The following COL5A2 variants were observed in gnomAD, a reference collection of about 807,000 sequenced individuals.
COL5A2 encodes the protein collagen type V alpha 2 chain.
COL5A2 carries 23 observed loss-of-function variants against 208.2 expected under a neutral mutation model. That is an observed-to-expected ratio of 0.11 (90% CI 0.08 to 0.16). The LOEUF is 0.16. Among genes scored for constraint, COL5A2 ranks in the 10% least tolerant of loss-of-function variants. COL5A2 has a pLI of 1.00. For synonymous variants in COL5A2, 625 were observed against 628.5 expected (o/e 0.99, Z 0.08); for missense variants, 1,590 against 1,956.4 (o/e 0.81, Z 3.53).
At chr2:189,398,650 T>C in the COL5A2 span, among the ~76,000 whole-genome samples, 214 of 152,278 alleles carry the variant, frequency 1.4e-3, no homozygotes, top group African/African-American at 5.0e-3. Flanking sequence ...GACCTTTCAC[T>C]GTGCTTATAT....
the COL5A2 span, among the ~76,000 whole-genome samples, chr2:189,313,151 C>A: frequency 6.0e-4 from 91 of 151,418 alleles, 2 homozygotes; most frequent in Non-Finnish European, 1.0e-3. Flanking sequence ...CGGGAGCAGA[C>A]AAAAATAGAG....
intron 4 of COL5A2, among the ~76,000 whole-genome samples, chr2:189,099,374 C>T (rs1687002341): frequency 6.6e-6 from 1 of 152,058 alleles, no homozygotes; most frequent in African/African-American, 2.4e-5. Flanking sequence ...ACCTTTAAAA[C>T]TTAGGAGAAT....
In COL5A2 at chr2:189,032,014, C is replaced by A. The variant is rs924415992; in HGVS notation, c.*2056G>T. 3 of 152,034 alleles carry A rather than the reference C, an allele frequency of 2.0e-5. No homozygotes were observed. Among genetic ancestry groups the A allele is most frequent in the Admixed American group, 2.0e-4 (3 of 15,250 alleles). 9.4% of individuals were successfully genotyped at this position (152,034 alleles called of 1,614,324 possible). On this transcript the variant is annotated 3_prime_UTR_variant, in exon 54 of 54. Coordinates refer to ENST00000374866, the MANE Select transcript of COL5A2 (RefSeq NM_000393.5). ...ATAGTATTACCACATATTTCTGATT[C>A]ATCTATATGAACTTATATAATCTTA...
At chr2:189,392,053 C>T in the COL5A2 span, among the ~76,000 whole-genome samples, 1 of 151,980 alleles carries the variant, frequency 6.6e-6, no homozygotes, top group East Asian at 1.9e-4. Flanking sequence ...TTCCTTTATT[C>T]TCACTATTTT....
rs775681859 is a variant in COL5A2, at chr2:189,045,794, C to T, written c.3309+6G>A. On this transcript the variant is annotated splice_donor_region_variant and intron_variant, in intron 46 of 53. Coordinates refer to ENST00000374866, the MANE Select transcript of COL5A2 (RefSeq NM_000393.5). ...ACTGTCAGTGTGAAATTGACTCCCT[C>T]CTTACCGGATCTCCTCTTTGTCCTG... 5 of 1,613,136 alleles carry T rather than the reference C, an allele frequency of 3.1e-6. No individual in the cohort carries two copies. The highest frequency in any genetic ancestry group is 2.2e-5 in the East Asian group (1 of 44,868).
At chr2:189,067,970 A>C in intron 21 of COL5A2, 45 bp downstream of exon 21, 1 of 1,454,190 alleles carries the variant, frequency 6.9e-7, no homozygotes. Context: ...TGGCCCTCGT[A>C]GTTAGATTAC....
At chr2:189,094,588 G>GAC (rs1175370532) in intron 6 of COL5A2, among the ~76,000 whole-genome samples, 1,003 of 11,674 alleles carry the variant, frequency 0.086, 227 homozygotes, top group African/African-American at 0.13. Context: ...CTTTCTCTCT[G>GAC]ACACACACAC....
chr2:189,434,361 A>G, the COL5A2 span, among the ~76,000 whole-genome samples: 1 of 152,182 alleles, frequency 6.6e-6, no homozygotes. Flanking sequence ...AATAAAGGGT[A>G]TTCAATTAGG....
the COL5A2 span, among the ~76,000 whole-genome samples, chr2:189,288,604 G>C: frequency 1.2e-4 from 18 of 152,196 alleles, no homozygotes; most frequent in Middle Eastern, 0.01. Flanking sequence ...GAAAAGCCTA[G>C]AGCCTCGTGG....
At chr2:189,309,119 G>T in the COL5A2 span, among the ~76,000 whole-genome samples, 1 of 152,110 alleles carries the variant, frequency 6.6e-6, no homozygotes, top group Non-Finnish European at 1.5e-5. Flanking sequence ...GGCATGAGAG[G>T]GTCTCTCCCC....
chr2:189,050,524 G>A, intron 43 of COL5A2, 45 bp downstream of exon 43: 1 of 1,385,464 alleles, frequency 7.2e-7, no homozygotes, highest in Non-Finnish European at 1.0e-6. Flanking sequence ...TAAACAATTT[G>A]TATTGCACAT....
the COL5A2 span, among the ~76,000 whole-genome samples, chr2:189,258,913 C>T: frequency 1.3e-3 from 202 of 152,262 alleles, no homozygotes; most frequent in African/African-American, 4.6e-3. Context: ...GCTCTGACAG[C>T]CAATGAGCCA....
chr2:189,394,316 T>C, the COL5A2 span, among the ~76,000 whole-genome samples: 1 of 152,244 alleles, frequency 6.6e-6, no homozygotes, highest in Admixed American at 6.5e-5. Flanking sequence ...TGAATAGTCT[T>C]GGGAGAGTTA....
At chr2:189,075,243 T>C in intron 17 of COL5A2, 150 bp downstream of exon 17, 1 of 609,606 alleles carries the variant, frequency 1.6e-6, no homozygotes, top group Non-Finnish European at 3.0e-6. Flanking sequence ...TCTTCCTTAA[T>C]AGAACAGTTT....
At chr2:189,324,237 C>T in the COL5A2 span, among the ~76,000 whole-genome samples, 416 of 152,282 alleles carry the variant, frequency 2.7e-3, no homozygotes, top group African/African-American at 9.5e-3. Flanking sequence ...GGCAATACCA[C>T]TCAAGACATA....
the COL5A2 span, among the ~76,000 whole-genome samples, chr2:189,271,357 A>G: frequency 6.6e-6 from 1 of 152,126 alleles, no homozygotes; most frequent in East Asian, 1.9e-4. Flanking sequence ...AACGCCACAC[A>G]TCTACAACCA....
chr2:189,119,875 T>C (rs1687466654), intron 1 of COL5A2, among the ~76,000 whole-genome samples: 1 of 152,088 alleles, frequency 6.6e-6, no homozygotes, highest in Non-Finnish European at 1.5e-5. Context: ...AGTCAACTGG[T>C]TATTACTAAA....
the COL5A2 span, among the ~76,000 whole-genome samples, chr2:189,291,879 T>A: frequency 6.6e-6 from 1 of 152,202 alleles, no homozygotes; most frequent in African/African-American, 2.4e-5. Flanking sequence ...TAATTTAGCA[T>A]CTTTGATGTA....
intron 17 of COL5A2, among the ~76,000 whole-genome samples, chr2:189,074,543 C>T (rs181558993): frequency 1.3e-5 from 2 of 152,248 alleles, no homozygotes; most frequent in Non-Finnish European, 2.9e-5. Context: ...TTAAAAATTT[C>T]CAAAACTACA....
Sources: allele counts gnomAD v4.1 joint callset (sites outside exome capture counted in the v4.1 genomes callset), GRCh38; gene constraint gnomAD v4.1.1; transcripts MANE v1.5; gene names NCBI Gene and HGNC (gene_info 2026-07-23, HGNC 2026-07-21).